Variants in PHKB observed in about 807,000 individuals in gnomAD.
PHKB encodes phosphorylase kinase regulatory subunit beta.
Under a neutral mutation model 152.1 loss-of-function variants are expected in PHKB, and 122 were observed. The ratio of observed to expected loss-of-function variants is 0.80; its 90% CI spans 0.69 to 0.93. The LOEUF (loss-of-function observed/expected upper bound fraction) is 0.93, where lower values mean the gene tolerates loss of function less well. Among genes scored for constraint, PHKB ranks in the 40% least tolerant of loss-of-function variants. The pLI is 0.00. For synonymous variants in PHKB, 436 were observed against 464.9 expected (o/e 0.94, Z 0.80); for missense variants, 1,304 against 1,328.4 (o/e 0.98, Z 0.29).
chr16:47,646,561 T>TAAAAAAA (rs1456479779), intron 16 of PHKB, among the ~76,000 whole-genome samples: 1 of 104,654 alleles, frequency 9.6e-6, no homozygotes, highest in Non-Finnish European at 2.0e-5. Flanking sequence ...AAATAAAAAA[T>TAAAAAAA]AAAAAAATAA....
At chr16:47,647,416 G>A (rs933437143) in intron 16 of PHKB, among the ~76,000 whole-genome samples, 10 of 151,936 alleles carry the variant, frequency 6.6e-5, no homozygotes, top group Non-Finnish European at 1.5e-4. Flanking sequence ...GAGCCACTGC[G>A]CCCAGCTTTC....
intron 7 of PHKB, 83 bp from the exon 8 acceptor site, chr16:47,580,212 G>A (rs1971818587): frequency 1.0e-6 from 1 of 979,234 alleles, no homozygotes; most frequent in Non-Finnish European, 1.6e-6. Flanking sequence ...AAAGAAATTT[G>A]CTCGTGAATA....
At chr16:47,698,420 G>GTTGGCT (rs1351031262) in intron 29 of PHKB, 28 bp from the exon 30 acceptor site, 9 of 1,567,720 alleles carry the variant, frequency 5.7e-6, no homozygotes, top group Non-Finnish European at 7.9e-6. Context: ...GGTTCATATA[G>GTTGGCT]TTGGCTTTCA....
intron 7 of PHKB, among the ~76,000 whole-genome samples, chr16:47,555,985 C>T (rs542528545): frequency 4.3e-4 from 65 of 152,228 alleles, no homozygotes; most frequent in Non-Finnish European, 7.9e-4. Flanking sequence ...TGAAGAGGTC[C>T]TTCATGTCCC....
intron 26 of PHKB, among the ~76,000 whole-genome samples, chr16:47,673,892 T>C (rs1973680011): frequency 6.6e-6 from 1 of 152,112 alleles, no homozygotes. Context: ...ATTTGGAGAG[T>C]ATACATGGGC....
chr16:47,641,104 G>C lies in PHKB; in HGVS notation c.1514+14G>C. The C allele has an allele frequency of 6.2e-7, 1 of 1,611,342 alleles. No individual in the cohort carries two copies. Among genetic ancestry groups the C allele is most frequent in the Non-Finnish European group, 8.5e-7 (1 of 1,177,512 alleles). ...AGAAAGCCAAAGGTATGAAATCCAA[G>C]TGGGTGGTGTGTTTTTTTGTGGGGA... On this transcript the variant is annotated intron_variant, in intron 15 of 30. Transcript: ENST00000323584.
At chr16:47,667,734 G>T (rs939045684) in intron 25 of PHKB, among the ~76,000 whole-genome samples, 4 of 152,180 alleles carry the variant, frequency 2.6e-5, no homozygotes, top group Non-Finnish European at 4.4e-5. Flanking sequence ...AGTTAACTCT[G>T]CATATGAACA....
intron 7 of PHKB, among the ~76,000 whole-genome samples, chr16:47,574,130 G>A (rs888105058): frequency 2.6e-5 from 4 of 152,176 alleles, no homozygotes; most frequent in Middle Eastern, 3.2e-3. Flanking sequence ...ATGTTGACCA[G>A]GCTGGTCTTG....
At chr16:47,508,754 A>G (rs1463621077) in intron 4 of PHKB, among the ~76,000 whole-genome samples, 1 of 152,226 alleles carries the variant, frequency 6.6e-6, no homozygotes, top group Non-Finnish European at 1.5e-5. Context: ...TGCCAGAATC[A>G]TACAAAATAC....
chr16:47,566,502 T>C, intron 7 of PHKB: 1 of 1,607,132 alleles, frequency 6.2e-7, no homozygotes, highest in Non-Finnish European at 8.5e-7. Flanking sequence ...CTTCTCTGGA[T>C]TGCTGGGTTC....
chr16:47,665,850 T>G (rs1395207257), intron 25 of PHKB: 1 of 849,708 alleles, frequency 1.2e-6, no homozygotes, highest in Non-Finnish European at 2.0e-6. Flanking sequence ...GATTCCACTG[T>G]GTATATTTTA....
intron 7 of PHKB, chr16:47,566,626 G>T: frequency 8.3e-7 from 1 of 1,199,368 alleles, no homozygotes; most frequent in South Asian, 1.2e-5. Flanking sequence ...GACAATTTGG[G>T]AAGATGGCTC....
chr16:47,688,927 CTCT>C, intron 26 of PHKB, 111 bp from the exon 27 acceptor site: 1 of 1,121,462 alleles, frequency 8.9e-7, no homozygotes, highest in Non-Finnish European at 1.4e-6. Context: ...CTCAAACGGC[CTCT>C]TCTTCATTCT....
intron 14 of PHKB, among the ~76,000 whole-genome samples, chr16:47,637,472 A>G (rs1314157169): frequency 6.6e-6 from 1 of 152,166 alleles, no homozygotes; most frequent in Non-Finnish European, 1.5e-5. Context: ...TGTGGGCAAT[A>G]TTCAGGTAAA....
chr16:47,670,699 A>G (rs1973622579), intron 26 of PHKB, among the ~76,000 whole-genome samples: 1 of 152,070 alleles, frequency 6.6e-6, no homozygotes, highest in South Asian at 2.1e-4. Flanking sequence ...CATGTTGGCC[A>G]AGCTGGTCTT....
chr16:47,615,313 G>A, intron 14 of PHKB, among the ~76,000 whole-genome samples: 1 of 152,198 alleles, frequency 6.6e-6, no homozygotes, highest in African/African-American at 2.4e-5. Flanking sequence ...CTGAGTAGTA[G>A]AACACTGTGG....
chr16:47,557,961 A>G (rs1291741729), intron 7 of PHKB, among the ~76,000 whole-genome samples: 1 of 152,178 alleles, frequency 6.6e-6, no homozygotes, highest in African/African-American at 2.4e-5. Flanking sequence ...ACTATTCACA[A>G]TAGCAAAGAC....
At chr16:47,693,277 T>C in intron 27 of PHKB, 101 bp from the exon 28 acceptor site, 2 of 1,236,678 alleles carry the variant, frequency 1.6e-6, no homozygotes, top group South Asian at 1.2e-5. Flanking sequence ...CTTTGGCTTT[T>C]ATTTCTTACC....
At chr16:47,551,386 T>C (rs534729822) in intron 7 of PHKB, among the ~76,000 whole-genome samples, 15 of 152,332 alleles carry the variant, frequency 9.8e-5, no homozygotes, top group African/African-American at 3.6e-4. Context: ...CGGCTTTAGC[T>C]GTGTCCCAGA....
Sources: gnomAD v4.1 joint callset for allele counts (sites outside exome capture counted in the v4.1 genomes callset) on GRCh38, gnomAD v4.1.1 for gene constraint, MANE v1.5 for transcripts, NCBI Gene and HGNC (gene_info 2026-07-23, HGNC 2026-07-21) for gene names.